GKAP1: variants seen among roughly 807,000 people sequenced by gnomAD.
The protein encoded by GKAP1 is G kinase anchoring protein 1.
Under a neutral mutation model 56.7 loss-of-function variants are expected in GKAP1, and 31 were observed. The observed-to-expected ratio is 0.55, with a 90% CI of 0.41 to 0.74. The LOEUF (loss-of-function observed/expected upper bound fraction) is 0.74. GKAP1 is among the 30% of genes least tolerant of loss of function. The pLI, the probability that GKAP1 is intolerant of heterozygous loss-of-function variation, is 0.00. For synonymous variants in GKAP1, 151 were observed against 138.6 expected, an observed-to-expected ratio of 1.09 and a Z score of -0.63; for missense variants, 364 against 402.3, an observed-to-expected ratio of 0.90 and a Z score of 0.82.
Position 83,779,446 on chromosome 9 carries a change from T to TACACACACACACACACACAC in GKAP1, c.585+935_585+936insGTGTGTGTGTGTGTGTGTGT, listed in dbSNP as rs1451197767. The stretch of plus-strand genomic sequence containing the variant: ...GAAGCCATATATATATATATATATA[T>TACACACACACACACACACAC]ATACACACACACACACACGCACATA... On this transcript the variant is annotated intron_variant, in intron 7 of 12. Transcript: ENST00000376371. Among the ~76,000 whole-genome samples, 399 of 118,014 alleles carry TACACACACACACACACACAC rather than the reference T, an allele frequency of 3.4e-3. 19 individuals are homozygous for TACACACACACACACACACAC. The highest frequency in any genetic ancestry group is 9.3e-3 in the South Asian group (33 of 3,532). 77.4% of individuals were successfully genotyped at this position (118,014 alleles called of 152,430 possible). A position where few individuals can be genotyped will look rare whatever the true frequency, so the allele number is the denominator to read the frequency against.
chr9:83,813,310 CTTAAA>C (rs754420499), intron 2 of GKAP1, among the ~76,000 whole-genome samples: 41 of 152,342 alleles, frequency 2.7e-4, no homozygotes, highest in South Asian at 2.3e-3. Flanking sequence ...AATTAAGTTA[CTTAAA>C]TTAGTCTATG....
intron 8 of GKAP1, 94 bp downstream of exon 8, chr9:83,768,724 A>T (rs1165065340): frequency 2.9e-6 from 3 of 1,038,982 alleles, no homozygotes; most frequent in Non-Finnish European, 4.3e-6. Flanking sequence ...TACTTTATAC[A>T]ATCATAATTT....
At chr9:83,783,489 A>G (rs1944012398) in intron 6 of GKAP1, among the ~76,000 whole-genome samples, 1 of 152,256 alleles carries the variant, frequency 6.6e-6, no homozygotes, top group Non-Finnish European at 1.5e-5. Flanking sequence ...GCACAGGCTA[A>G]GTATTTTTAA....
intron 7 of GKAP1, among the ~76,000 whole-genome samples, chr9:83,779,559 GTA>G (rs1164947274): frequency 1.8e-5 from 2 of 108,466 alleles, no homozygotes; most frequent in Admixed American, 9.5e-5. Context: ...GTGTATATGT[GTA>G]TATATATACA....
In GKAP1 at chr9:83,806,486, G is replaced by A. The variant is rs1587742116; in HGVS notation, c.32C>T (p.Thr11Ile). Residue 11 changes from threonine (T) to isoleucine (I), a missense_variant, in exon 3 of 13, where the codon ACC becomes ATC. Transcript: ENST00000376371. ...TAACAGGGCAAAACGAGAAGCGGTG[G>A]TGGGAACAGAACTAAGTACTGCTGA... MASAVLSSVP[T>I]TASRFALLQV... 2 of 1,614,062 alleles carry A rather than the reference G, an allele frequency of 1.2e-6. No homozygotes were observed. The highest frequency in any genetic ancestry group is 1.7e-6 in the Non-Finnish European group (2 of 1,179,968).
At chr9:83,754,999 T>C (rs1411252502) in intron 8 of GKAP1, among the ~76,000 whole-genome samples, 2 of 152,126 alleles carry the variant, frequency 1.3e-5, no homozygotes, top group Non-Finnish European at 2.9e-5. Flanking sequence ...GAGAAATAAT[T>C]TGGAGGTAGC....
chr9:83,775,986 C>T (rs139304041), intron 7 of GKAP1, among the ~76,000 whole-genome samples: 83 of 151,532 alleles, frequency 5.5e-4, no homozygotes, highest in Non-Finnish European at 1.1e-3. Flanking sequence ...AAAGCTATAA[C>T]CCCGAGATTC....
chr9:83,799,824 G>A (rs917974157), intron 3 of GKAP1, among the ~76,000 whole-genome samples: 1 of 152,078 alleles, frequency 6.6e-6, no homozygotes, highest in Non-Finnish European at 1.5e-5. Flanking sequence ...AACTAGCCGG[G>A]TGTGGTGACA....
At chr9:83,792,744 G>A (rs1587729189) in intron 4 of GKAP1, among the ~76,000 whole-genome samples, 1 of 152,196 alleles carries the variant, frequency 6.6e-6, no homozygotes, top group Non-Finnish European at 1.5e-5. Flanking sequence ...AAAGAGAGAG[G>A]GAGACAGAGA....
intron 8 of GKAP1, among the ~76,000 whole-genome samples, chr9:83,766,724 G>C (rs1420071310): frequency 3.3e-5 from 5 of 152,174 alleles, no homozygotes; most frequent in African/African-American, 1.2e-4. Context: ...GCTATTGTAG[G>C]AATCTGTCAA....
At chr9:83,805,330 G>A (rs545145087) in intron 3 of GKAP1, among the ~76,000 whole-genome samples, 57 of 152,136 alleles carry the variant, frequency 3.7e-4, no homozygotes, top group African/African-American at 1.2e-3. Flanking sequence ...CAAACACTGC[G>A]GAAGGCCGCA....
At chr9:83,794,002 A>C (rs1944204589) in intron 4 of GKAP1, among the ~76,000 whole-genome samples, 1 of 152,050 alleles carries the variant, frequency 6.6e-6, no homozygotes, top group Non-Finnish European at 1.5e-5. Context: ...CCCCATCTCT[A>C]CTAAAAATAC....
intron 7 of GKAP1, among the ~76,000 whole-genome samples, chr9:83,778,774 GA>G (rs1943904543): frequency 6.6e-6 from 1 of 151,234 alleles, no homozygotes. Flanking sequence ...AGTTGTAAGG[GA>G]AATAAATCAT....
chr9:83,809,606 T>C (rs1944481256), intron 2 of GKAP1, among the ~76,000 whole-genome samples: 1 of 152,234 alleles, frequency 6.6e-6, no homozygotes, highest in Non-Finnish European at 1.5e-5. Flanking sequence ...GAGCAAGGTT[T>C]CCTTAAAGCA....
intron 5 of GKAP1, 127 bp from the exon 6 acceptor site, chr9:83,784,965 GCTA>G: frequency 1.6e-6 from 1 of 611,674 alleles, no homozygotes. Flanking sequence ...CAAAATTTAG[GCTA>G]GCCAAATTGT....
At chr9:83,772,925 A>G (rs1401752121) in intron 7 of GKAP1, among the ~76,000 whole-genome samples, 1 of 152,234 alleles carries the variant, frequency 6.6e-6, no homozygotes, top group Non-Finnish European at 1.5e-5. Flanking sequence ...ACAAGAGATA[A>G]TATCAAGCGT....
intron 4 of GKAP1, chr9:83,792,917 C>A (rs1004806097): frequency 2.6e-6 from 2 of 781,176 alleles, no homozygotes; most frequent in African/African-American, 1.9e-5. Flanking sequence ...ATAGCAGGCA[C>A]TAAAATGCCT....
chr9:83,809,915 C>G lies in GKAP1; in HGVS notation c.-43-3355G>C, dbSNP rs561683467. Among the ~76,000 whole-genome samples the G allele has an allele frequency of 1.4e-3, 208 of 152,306 alleles. 1 individual carries two copies. The highest frequency in any genetic ancestry group is 4.9e-3 in the African/African-American group (205 of 41,566). On this transcript the variant is annotated intron_variant, in intron 2 of 12. Coordinates refer to ENST00000376371, the MANE Select transcript of GKAP1 (RefSeq NM_025211.4). ...CTCGACTTCCTGGGCTAAAATGATTCTCCCAGATCAGCCTCCTGAGTAGCT... is the reference window on the plus strand; with the variant it reads ...CTCGACTTCCTGGGCTAAAATGATTGTCCCAGATCAGCCTCCTGAGTAGCT...
intron 8 of GKAP1, among the ~76,000 whole-genome samples, chr9:83,756,363 G>A (rs1943475603): frequency 6.6e-6 from 1 of 150,384 alleles, no homozygotes; most frequent in Non-Finnish European, 1.5e-5. Flanking sequence ...CCCAGATACT[G>A]GAGAAGCTGA....
Sources: gnomAD v4.1 joint callset for allele counts (sites outside exome capture counted in the v4.1 genomes callset) on GRCh38, gnomAD v4.1.1 for gene constraint, MANE v1.5 for transcripts, NCBI Gene and HGNC (gene_info 2026-07-23, HGNC 2026-07-21) for gene names.